The following ERI1 variants were observed in gnomAD, a reference collection of about 807,000 sequenced individuals.
ERI1 encodes the protein exoribonuclease 1, also known as 3'-5' exoribonuclease 1.
In ERI1, 39 loss-of-function variants were observed where a neutral mutation model predicts 39.7. That is an observed-to-expected ratio of 0.98 (90% CI 0.76 to 1.28). ERI1 has a LOEUF of 1.28. Among genes scored for constraint, ERI1 ranks in the 50% most tolerant of loss-of-function variants. ERI1 has a pLI of 0.00. For missense variants in ERI1, 581 were observed against 416.9 expected, an observed-to-expected ratio of 1.39 and a Z score of -3.43; for synonymous variants, 204 against 149.6, an observed-to-expected ratio of 1.36 and a Z score of -2.65.
intron 2 of ERI1, chr8:9,009,118 G>A (rs912652958): frequency 2.2e-6 from 1 of 455,656 alleles, no homozygotes; most frequent in South Asian, 1.6e-5. Flanking sequence ...CCTGGCTTGC[G>A]TGGGAGCTAG....
In ERI1 at chr8:9,011,619, T is replaced by G. The variant is rs112570397; in HGVS notation, c.365T>G (p.Phe122Cys). Residue 122 changes from phenylalanine to cysteine, a missense_variant, in exon 3 of 7, where the codon TTT (phenylalanine) becomes TGT (cysteine). Coordinates refer to ENST00000250263, the MANE Select transcript of ERI1 (RefSeq NM_153332.4). Reference protein sequence around the residue: ...KQKLMLKESNFADSYYDYICI... With the variant: ...KQKLMLKESNCADSYYDYICI... ...AAGCTGATGCTGAAAGAGAGCAATT[T>G]TGCTGACAGTTATTATGACTACATT... is the stretch of plus-strand genomic sequence containing the variant. 1.6e-3 allele frequency: 2,623 copies of G among 1,613,550 alleles called. 37 individuals carry two copies. In the African/African-American group the frequency reaches 0.031, roughly 19 times the overall value.
chr8:9,033,326 GT>G lies in ERI1; in HGVS notation c.*3296del, dbSNP rs2117323454. ...CGAAATTTTAGTTTCTCTAAATAAA[GT>G]TTTGGAAAGAACTACCATTCTCATT... On this transcript the variant is annotated 3_prime_UTR_variant, in exon 7 of 7. Transcript: ENST00000250263. 6.6e-6 allele frequency: 1 copy of G among 152,270 alleles called. No homozygotes were observed. The highest frequency in any genetic ancestry group is 2.1e-4 in the South Asian group (1 of 4,832). The allele number at this position is 152,270 out of a possible 1,614,324, so 9.4% of individuals were successfully genotyped here.
At chr8:9,078,894 C>T (rs1032293613) in intron 3 of ERI1, among the ~76,000 whole-genome samples, 1 of 152,158 alleles carries the variant, frequency 6.6e-6, no homozygotes, top group Non-Finnish European at 1.5e-5. Flanking sequence ...AACAAGTACA[C>T]AAACCTCAAT....
rs984417456 is a variant in ERI1 at position 9,031,167 on chromosome 8, T to C, written c.*1133T>C. The C allele has an allele frequency of 6.6e-6, 1 of 152,232 alleles. No individual in the cohort carries two copies. Among genetic ancestry groups the C allele is most frequent in the African/African-American group, 2.4e-5 (1 of 41,474 alleles). 9.4% of individuals were successfully genotyped at this position (152,232 alleles called of 1,614,324 possible). A position where few individuals can be genotyped will look rare whatever the true frequency, so the allele number is the denominator to read the frequency against. ...ATTGACATTGCTTGCTTCCTGCCTT[T>C]TACCTTTTAATAAAAATTGTGATGC... On this transcript the variant is annotated 3_prime_UTR_variant, in exon 7 of 7. Transcript: ENST00000250263.
chr8:9,020,703 G>A (rs1435595815), intron 6 of ERI1, among the ~76,000 whole-genome samples: 1 of 152,076 alleles, frequency 6.6e-6, no homozygotes, highest in African/African-American at 2.4e-5. Flanking sequence ...AAACTGTAGG[G>A]GCAGTCAGTA....
intron 3 of ERI1, among the ~76,000 whole-genome samples, chr8:9,078,483 A>T (rs764628410): frequency 6.6e-6 from 1 of 152,120 alleles, no homozygotes; most frequent in Admixed American, 6.5e-5. Flanking sequence ...TTGGAATTCA[A>T]ACTCAAGTTT....
At chr8:9,077,980 A>G (rs1362937574) in intron 3 of ERI1, among the ~76,000 whole-genome samples, 1 of 151,888 alleles carries the variant, frequency 6.6e-6, no homozygotes, top group Non-Finnish European at 1.5e-5. Flanking sequence ...GATCCAGCCT[A>G]TCTTTTTTTC....
chr8:9,051,694 T>C (rs767556490), intron 3 of ERI1, among the ~76,000 whole-genome samples: 12 of 151,996 alleles, frequency 7.9e-5, no homozygotes, highest in East Asian at 1.9e-4. Flanking sequence ...GGGAAACGCC[T>C]TCCTCTTGGT....
At chr8:9,021,765 G>GTTTTTTTTTTTTTTTTTTTTTTTTTT (rs1161148984) in intron 6 of ERI1, among the ~76,000 whole-genome samples, 1 of 51,110 alleles carries the variant, frequency 2.0e-5, no homozygotes, top group African/African-American at 8.0e-5. Context: ...TATATTATTT[G>GTTTTTTTTTTTTTTTTTTTTTTTTTT]TTTTTTTTGT....
chr8:9,048,387 G>A (rs1157396140), intron 3 of ERI1: 1 of 154,374 alleles, frequency 6.5e-6, no homozygotes, highest in African/African-American at 2.4e-5. Flanking sequence ...TTTCCCTCCT[G>A]GCACATTACT....
chr8:9,004,797 C>T (rs1307377630), intron 1 of ERI1, among the ~76,000 whole-genome samples: 1 of 150,104 alleles, frequency 6.7e-6, no homozygotes, highest in Non-Finnish European at 1.5e-5. Context: ...AAGTGATTCT[C>T]GTGCCTCAGC....
At chr8:9,080,360 T>C (rs779955862) in intron 3 of ERI1, among the ~76,000 whole-genome samples, 1 of 152,216 alleles carries the variant, frequency 6.6e-6, no homozygotes, top group Non-Finnish European at 1.5e-5. Context: ...CATGTTCATG[T>C]GATGTCCTGA....
At chr8:9,019,398 C>G in intron 5 of ERI1, among the ~76,000 whole-genome samples, 1 of 152,292 alleles carries the variant, frequency 6.6e-6, no homozygotes, top group East Asian at 1.9e-4. Flanking sequence ...TTATGGACCT[C>G]TTTAGAAATC....
rs151298049 is a variant in ERI1 at position 9,073,834 on chromosome 8, A to G, written n.300-42514A>G. ...ATAGAATCCAGTACACCTTCTGTTT[A>G]GGGTCTTTTACTTATTCACAACTAG... On this transcript the variant is annotated intron_variant and non_coding_transcript_variant, in intron 3 of 3. Transcript: ENST00000518663. Among the ~76,000 whole-genome samples the G allele has an allele frequency of 2.9e-4, 44 of 152,322 alleles. No individual in the cohort carries two copies. The East Asian group carries it at 8.3e-3, about 29-fold the overall frequency.
chr8:9,038,039 T>C (rs933817160), downstream of ERI1, among the ~76,000 whole-genome samples: 4 of 152,218 alleles, frequency 2.6e-5, no homozygotes, highest in African/African-American at 9.6e-5. Flanking sequence ...AAAAGGAAAC[T>C]GTACCTATTT....
At chr8:9,016,100 A>G (rs1817249210) in intron 3 of ERI1, among the ~76,000 whole-genome samples, 1 of 152,324 alleles carries the variant, frequency 6.6e-6, no homozygotes, top group East Asian at 1.9e-4. Flanking sequence ...AATCTTTCAC[A>G]CACTCACTTT....
At chr8:9,076,081 T>G (rs1278091482) in intron 3 of ERI1, among the ~76,000 whole-genome samples, 2 of 152,008 alleles carry the variant, frequency 1.3e-5, no homozygotes, top group African/African-American at 4.8e-5. Flanking sequence ...GGACTATGAG[T>G]GTATTCCTCC....
chr8:9,092,847 A>G (rs2117482471), intron 3 of ERI1, among the ~76,000 whole-genome samples: 1 of 152,296 alleles, frequency 6.6e-6, no homozygotes, highest in East Asian at 1.9e-4. Context: ...AGTTCTGGAG[A>G]CTGGAAGTCT....
intron 3 of ERI1, among the ~76,000 whole-genome samples, chr8:9,081,259 T>G (rs1241035371): frequency 1.3e-5 from 2 of 152,200 alleles, no homozygotes; most frequent in African/African-American, 4.8e-5. Flanking sequence ...TGATGAGATT[T>G]GGGTGGGGAC....
Sources: gnomAD v4.1 joint callset for allele counts (sites outside exome capture counted in the v4.1 genomes callset) on GRCh38, gnomAD v4.1.1 for gene constraint, MANE v1.5 for transcripts, NCBI Gene and HGNC (gene_info 2026-07-23, HGNC 2026-07-21) for gene names.